ZNF621: variants seen among roughly 807,000 people sequenced by gnomAD.
ZNF621 encodes the protein zinc finger protein 621.
Under a neutral mutation model 12.7 loss-of-function variants are expected in ZNF621, and 6 were observed. That is an observed-to-expected ratio of 0.47 (90% CI 0.26 to 0.93). The LOEUF is 0.93. ZNF621 is among the 40% of genes least tolerant of loss of function. ZNF621 has a pLI of 0.15. For synonymous variants in ZNF621, 156 were observed against 190.3 expected (o/e 0.82, Z 1.48); for missense variants, 474 against 524.0 (o/e 0.90, Z 0.93).
At chr3:40,529,046 A>G (rs1219268916) in intron 2 of ZNF621, among the ~76,000 whole-genome samples, 1 of 152,172 alleles carries the variant, frequency 6.6e-6, no homozygotes, top group African/African-American at 2.4e-5. Context: ...CATGCCTGTA[A>G]TCTCAGCCTG....
In ZNF621 at chr3:40,532,810, C is replaced by G. The variant is rs1340214146; in HGVS notation, c.1040C>G (p.Pro347Arg). ...AAATTGCACCCTGTGGAGAAGAAGCCAGTCAAGGTCCTTGGGCCATCCCTG... is the reference window on the plus strand; with the variant it reads ...AAATTGCACCCTGTGGAGAAGAAGCGAGTCAAGGTCCTTGGGCCATCCCTG... ...HQKLHPVEKK[P>R]VKVLGPSLVS... The change falls in exon 5 of 5, where the codon CCA becomes CGA. Residue 347 changes from proline to arginine, a missense_variant. Coordinates refer to ENST00000339296, the MANE Select transcript of ZNF621 (RefSeq NM_198484.5). 1.2e-6 allele frequency: 2 copies of G among 1,614,058 alleles called. No homozygotes were observed. Among genetic ancestry groups the G allele is most frequent in the Non-Finnish European group, 1.7e-6 (2 of 1,180,046 alleles).
intron 2 of ZNF621, 100 bp downstream of exon 2, chr3:40,525,964 G>A: frequency 1.4e-6 from 2 of 1,422,178 alleles, no homozygotes; most frequent in Admixed American, 2.1e-5. Flanking sequence ...GGCCTAACTT[G>A]GCCAAGCTGT....
chr3:40,523,733 T>A (rs1188499849), upstream of ZNF621, among the ~76,000 whole-genome samples: 1 of 148,088 alleles, frequency 6.8e-6, no homozygotes, highest in Non-Finnish European at 1.5e-5. Context: ...GCCATTGCAC[T>A]CCAGCCTGGG....
rs759431681 is a variant in ZNF621, at chr3:40,529,402, C to T, written c.108C>T (p.Tyr36=). 9 of 1,613,634 alleles carry T rather than the reference C, an allele frequency of 5.6e-6. No homozygotes were observed. The highest frequency in any genetic ancestry group is 2.2e-5 in the East Asian group (1 of 44,860). The change falls in exon 3 of 5, where the codon TAC becomes TAT. Residue 36 remains tyrosine, a synonymous_variant. Coordinates refer to ENST00000339296, the MANE Select transcript of ZNF621 (RefSeq NM_198484.5). ...ASLDPAQRAL[Y]GEVMLENYAN... ...TCGACCCTGCGCAGAGGGCCCTGTACGGGGAGGTGATGCTGGAGAATTATG... is the reference window on the plus strand; with the variant it reads ...TCGACCCTGCGCAGAGGGCCCTGTATGGGGAGGTGATGCTGGAGAATTATG...
chr3:40,525,896 G>GT lies in ZNF621; in HGVS notation c.24+35dup, dbSNP rs1292259295. The GT allele has an allele frequency of 2.5e-6, 4 of 1,610,264 alleles. No homozygotes were observed. In the African/African-American group the frequency reaches 5.4e-5, roughly 22 times the overall value. On this transcript the variant is annotated intron_variant, in intron 2 of 4. Coordinates refer to ENST00000339296, the MANE Select transcript of ZNF621 (RefSeq NM_198484.5). ...TGAGCTTCTTTCAGTTTTTTTGTTTGTTTGTTTATGTTTTTTTACTCACAT... is the reference window on the plus strand; with the variant it reads ...TGAGCTTCTTTCAGTTTTTTTGTTTGTTTTGTTTATGTTTTTTTACTCACAT...
upstream of ZNF621, chr3:40,524,929 G>A (rs1260210183): frequency 6.6e-6 from 1 of 152,310 alleles, no homozygotes; most frequent in Non-Finnish European, 1.5e-5. Flanking sequence ...GGCCTCCGGG[G>A]GCCTAGAGGG....
chr3:40,529,476 A>G, intron 3 of ZNF621, 31 bp downstream of exon 3: 1 of 1,610,866 alleles, frequency 6.2e-7, no homozygotes, highest in Non-Finnish European at 8.5e-7. Context: ...CCTTTGTAAC[A>G]GTTTGCTATC....
At chr3:40,525,720 A>G (rs1289591576) in intron 1 of ZNF621, 59 bp from the exon 2 acceptor site, 3 of 1,334,252 alleles carry the variant, frequency 2.2e-6, no homozygotes, top group African/African-American at 2.9e-5. Context: ...GGAGGGCCAT[A>G]GGTTGCTGTA....
At chr3:40,527,035 T>G (rs962212194) in intron 2 of ZNF621, among the ~76,000 whole-genome samples, 1 of 152,098 alleles carries the variant, frequency 6.6e-6, no homozygotes, top group Admixed American at 6.5e-5. Flanking sequence ...TTTGTTTTTT[T>G]GAGATGGAGT....
chr3:40,526,888 C>A (rs1268738608), intron 2 of ZNF621, among the ~76,000 whole-genome samples: 1 of 152,140 alleles, frequency 6.6e-6, no homozygotes, highest in Non-Finnish European at 1.5e-5. Context: ...GGAGTTTCGC[C>A]TTTGTTGTCC....
intron 1 of ZNF621, 38 bp from the exon 2 acceptor site, chr3:40,525,741 G>A (rs532878274): frequency 6.4e-7 from 1 of 1,564,956 alleles, no homozygotes; most frequent in Admixed American, 1.7e-5. Context: ...GGTGGTGGAC[G>A]ACAGGGTCCT....
rs1698911873 is a variant in ZNF621, at chr3:40,538,062, A to G, written c.*4972A>G. 6.6e-6 allele frequency among the ~76,000 whole-genome samples: 1 copy of G among 152,224 alleles called. No individual in the cohort carries two copies. Among genetic ancestry groups the G allele is most frequent in the South Asian group, 2.1e-4 (1 of 4,834 alleles). ...TTTAAGTTGAAGCCAATGCTCATTTACCATTCAGAAAATCCTAGGGCCCAT... is the reference window on the plus strand; with the variant it reads ...TTTAAGTTGAAGCCAATGCTCATTTGCCATTCAGAAAATCCTAGGGCCCAT... On this transcript the variant is annotated 3_prime_UTR_variant, in exon 5 of 5. Transcript: ENST00000339296.
At chr3:40,530,408 C>T (rs1698696979) in intron 4 of ZNF621, 92 bp downstream of exon 4, 1 of 1,033,682 alleles carries the variant, frequency 9.7e-7, no homozygotes, top group Non-Finnish European at 1.5e-6. Flanking sequence ...GTACAAATCT[C>T]CCAGTTATTT....
In ZNF621 at chr3:40,532,872, G is replaced by A. The variant is rs1276095369; in HGVS notation, c.1102G>A (p.Val368Ile). 1 of 1,609,750 alleles carries A rather than the reference G, an allele frequency of 6.2e-7. No individual in the cohort carries two copies. Among genetic ancestry groups the A allele is most frequent in the Non-Finnish European group, 8.5e-7 (1 of 1,177,768 alleles). ...PQCSSPAIPP[V>I]LLQGSCSASA... ...GTGCTCCTCTCCAGCCATACCTCCT[G>A]TTCTTCTCCAGGGATCCTGTTCTGC... Residue 368 changes from valine (V) to isoleucine (I), a missense_variant, in exon 5 of 5, where the codon GTT (valine) becomes ATT (isoleucine). Val to Ile is a conservative substitution (Grantham distance 29). Transcript: ENST00000339296.
At position 40,532,078 on chromosome 3, in the gene ZNF621, C is replaced by T; in HGVS notation, c.308C>T (p.Ala103Val). 2 of 1,613,996 alleles carry T rather than the reference C, an allele frequency of 1.2e-6. No homozygotes were observed. Among genetic ancestry groups the T allele is most frequent in the South Asian group, 1.1e-5 (1 of 91,082 alleles). Residue 103 changes from alanine to valine, a missense_variant, in exon 5 of 5, where the codon GCC becomes GTC. Ala to Val is a moderately conservative substitution (Grantham distance 64). Transcript: ENST00000339296. ...KNEGLVIKQE[A>V]SEETELHRMP... ...GAAGGGCTAGTTATAAAGCAGGAAG[C>T]CTCTGAAGAAACAGAGTTGCACAGA...
chr3:40,528,946 T>C (rs879581050), intron 2 of ZNF621, among the ~76,000 whole-genome samples: 3 of 152,250 alleles, frequency 2.0e-5, no homozygotes, highest in Non-Finnish European at 4.4e-5. Context: ...CTCATTTTCT[T>C]AATGTGTTAT....
upstream of ZNF621, among the ~76,000 whole-genome samples, chr3:40,523,800 A>AAAACAAAAC (rs1575300689): frequency 6.8e-6 from 1 of 147,676 alleles, no homozygotes; most frequent in African/African-American, 2.5e-5. Flanking sequence ...AGCAAAAAAA[A>AAAACAAAAC]AAAAAACAAA....
rs927568688 is a variant in ZNF621 at position 40,532,245 on chromosome 3, A to T, written c.475A>T (p.Ile159Phe). The change falls in exon 5 of 5, where the codon ATC (isoleucine) becomes TTC (phenylalanine). Residue 159 changes from isoleucine to phenylalanine, a missense_variant. By Grantham distance (21) the Ile-to-Phe change is conservative. Transcript: ENST00000339296. Reference protein sequence around the residue: ...KFYECKECGKIFRYNSKLIRH... With the variant: ...KFYECKECGKFFRYNSKLIRH... ...CTATGAATGTAAAGAATGTGGGAAAATCTTCCGATATAACTCAAAGCTTAT... is the reference window on the plus strand; with the variant it reads ...CTATGAATGTAAAGAATGTGGGAAATTCTTCCGATATAACTCAAAGCTTAT... 4.3e-6 allele frequency: 7 copies of T among 1,613,954 alleles called. No individual in the cohort carries two copies. In the African/African-American group the frequency reaches 9.3e-5, roughly 22 times the overall value.
upstream of ZNF621, among the ~76,000 whole-genome samples, chr3:40,523,463 T>C (rs1167552044): frequency 2.0e-5 from 3 of 152,058 alleles, no homozygotes; most frequent in Non-Finnish European, 2.9e-5. Flanking sequence ...ATCAGCGTGA[T>C]TAAAGTAAAA....
Sources: allele counts gnomAD v4.1 joint callset (sites outside exome capture counted in the v4.1 genomes callset), GRCh38; gene constraint gnomAD v4.1.1; transcripts MANE v1.5; gene names NCBI Gene and HGNC (gene_info 2026-07-23, HGNC 2026-07-21).